The following NMNAT1 variants were observed in gnomAD, a reference collection of about 807,000 sequenced individuals.
The protein encoded by NMNAT1 is nicotinamide/nicotinic acid mononucleotide adenylyltransferase 1.
Under a neutral mutation model 16.7 loss-of-function variants are expected in NMNAT1, and 11 were observed. The observed-to-expected ratio is 0.66, with a 90% CI of 0.41 to 1.09. The LOEUF is 1.09. Among genes scored for constraint, NMNAT1 ranks in the 50% least tolerant of loss-of-function variants. The pLI is 0.00. For synonymous variants in NMNAT1, 110 were observed against 119.8 expected (o/e 0.92, Z 0.53); for missense variants, 280 against 332.3 (o/e 0.84, Z 1.22).
intron 2 of NMNAT1, among the ~76,000 whole-genome samples, chr1:9,973,999 G>A (rs1641749883): frequency 2.0e-5 from 3 of 151,910 alleles, no homozygotes; most frequent in African/African-American, 7.2e-5. Context: ...CACCATGCCC[G>A]GCCCATTTTT....
the NMNAT1 span, among the ~76,000 whole-genome samples, chr1:9,995,851 A>AC: frequency 6.6e-6 from 1 of 151,694 alleles, no homozygotes; most frequent in African/African-American, 2.4e-5. Context: ...ACATGATGAA[A>AC]CCCCCATCTC....
At chr1:9,961,712 A>G (rs1303210713) in intron 1 of NMNAT1, among the ~76,000 whole-genome samples, 1 of 152,168 alleles carries the variant, frequency 6.6e-6, no homozygotes, top group Admixed American at 6.5e-5. Context: ...TTATTCCCTA[A>G]GAACAGTTAG....
chr1:9,968,065 G>GTTTTTTTTT (rs1381872390), intron 1 of NMNAT1, among the ~76,000 whole-genome samples: 8 of 67,788 alleles, frequency 1.2e-4, no homozygotes, highest in Non-Finnish European at 2.8e-4. Flanking sequence ...TTTGCCAAAT[G>GTTTTTTTTT]TAGTTTTTTT....
chr1:9,995,982 TGGAACCA>T, the NMNAT1 span, among the ~76,000 whole-genome samples: 1 of 150,796 alleles, frequency 6.6e-6, no homozygotes. Context: ...TGAGCCGAGA[TGGAACCA>T]CTGCCCTCCA....
intron 2 of NMNAT1, among the ~76,000 whole-genome samples, chr1:9,973,108 T>G (rs1015898839): frequency 9.8e-5 from 15 of 152,302 alleles, no homozygotes; most frequent in African/African-American, 3.4e-4. Flanking sequence ...AAAAGTTTTC[T>G]TTTTTCTTTC....
At chr1:9,944,219 A>G (rs1008034248) in intron 1 of NMNAT1, among the ~76,000 whole-genome samples, 6 of 151,698 alleles carry the variant, frequency 4.0e-5, no homozygotes, top group Admixed American at 2.6e-4. Flanking sequence ...GCGCCATTGC[A>G]CTCCAGCCGG....
downstream of NMNAT1, among the ~76,000 whole-genome samples, chr1:9,989,598 C>T (rs1325913772): frequency 6.6e-6 from 1 of 152,094 alleles, no homozygotes; most frequent in Non-Finnish European, 1.5e-5. Flanking sequence ...CAGCCAGGGA[C>T]GGCTGGACTT....
intron 3 of NMNAT1, among the ~76,000 whole-genome samples, chr1:9,978,324 C>T (rs887766801): frequency 3.3e-5 from 5 of 152,202 alleles, no homozygotes; most frequent in Admixed American, 6.6e-5. Flanking sequence ...CCACTGCACT[C>T]CAGCCTGGGT....
At chr1:9,989,587 C>G (rs1250048965), downstream of NMNAT1, among the ~76,000 whole-genome samples, 2 of 152,096 alleles carry the variant, frequency 1.3e-5, no homozygotes, top group Non-Finnish European at 2.9e-5. Flanking sequence ...GAAGAGGAGT[C>G]CAGCCAGGGA....
downstream of NMNAT1, among the ~76,000 whole-genome samples, chr1:9,988,714 A>AC (rs1283026123): frequency 2.1e-5 from 3 of 142,032 alleles, no homozygotes; most frequent in Admixed American, 8.0e-5. Flanking sequence ...AAAAAAAAAA[A>AC]AAAAAAAAAG....
At position 9,949,804 on chromosome 1, in the gene NMNAT1, A is replaced by G. The variant is rs562964485; in HGVS notation, c.-57+6289A>G. On this transcript the variant is annotated intron_variant, in intron 1 of 4. Transcript: ENST00000377205. ...TAAATTGACCTTGTTTAAATACACAATCTGAATTACTGGGGTCTTTTGAAA... is the reference window on the plus strand; with the variant it reads ...TAAATTGACCTTGTTTAAATACACAGTCTGAATTACTGGGGTCTTTTGAAA... The G allele has an allele frequency of 6.6e-5, 10 of 152,136 alleles. No individual in the cohort carries two copies. In the East Asian group the frequency reaches 7.7e-4, roughly 12 times the overall value. 9.4% of individuals were successfully genotyped at this position (152,136 alleles called of 1,614,324 possible).
At chr1:9,951,088 C>CA (rs547799055) in intron 1 of NMNAT1, 1,668 of 105,726 alleles carry the variant, frequency 0.016, 8 homozygotes, top group South Asian at 0.023. Flanking sequence ...GACTCTGTTT[C>CA]AAAAAAAAAA....
At chr1:9,943,654 T>G (rs1640882015) in intron 1 of NMNAT1, 139 bp downstream of exon 1, 1 of 152,230 alleles carries the variant, frequency 6.6e-6, no homozygotes, top group Non-Finnish European at 1.5e-5. Context: ...GGCAAGGAGC[T>G]TTGATTGACC....
At chr1:9,982,246 A>C (rs949522872) in intron 4 of NMNAT1, 55 bp from the exon 5 acceptor site, 61 of 1,530,224 alleles carry the variant, frequency 4.0e-5, no homozygotes, top group Non-Finnish European at 4.8e-5. Context: ...TTCCACTTGG[A>C]GGAGGTAGAG....
At chr1:9,994,755 G>A in the NMNAT1 span, among the ~76,000 whole-genome samples, 9 of 151,996 alleles carry the variant, frequency 5.9e-5, no homozygotes, top group Non-Finnish European at 1.0e-4. Context: ...GGGACTACAG[G>A]TGCCCGCCAC....
At chr1:9,943,198 C>A (rs936012462), upstream of NMNAT1, 3 of 171,734 alleles carry the variant, frequency 1.7e-5, no homozygotes, top group South Asian at 3.5e-4. Flanking sequence ...CCCCAATTGC[C>A]ACCAGAGGTA....
chr1:9,954,638 C>G (rs933268964), intron 1 of NMNAT1, among the ~76,000 whole-genome samples: 2 of 151,994 alleles, frequency 1.3e-5, no homozygotes, highest in Non-Finnish European at 2.9e-5. Context: ...AATTTTATAG[C>G]AGAAGGAATT....
intron 3 of NMNAT1, among the ~76,000 whole-genome samples, chr1:9,979,331 T>C (rs915212835): frequency 6.6e-6 from 1 of 152,028 alleles, no homozygotes; most frequent in African/African-American, 2.4e-5. Context: ...CTGAACATGG[T>C]GGCACGTGCC....
chr1:9,952,134 TA>T (rs372071100), intron 1 of NMNAT1, among the ~76,000 whole-genome samples: 4 of 150,150 alleles, frequency 2.7e-5, no homozygotes, highest in Non-Finnish European at 4.4e-5. Context: ...CCATCTCTAC[TA>T]AAAAAAAATA....
Sources: allele counts gnomAD v4.1 joint callset (sites outside exome capture counted in the v4.1 genomes callset), GRCh38; gene constraint gnomAD v4.1.1; transcripts MANE v1.5; gene names NCBI Gene and HGNC (gene_info 2026-07-23, HGNC 2026-07-21).